The following CACNA2D3 variants were observed in gnomAD, a reference collection of about 807,000 sequenced individuals.
The protein encoded by CACNA2D3 is voltage-dependent calcium channel subunit alpha-2/delta-3.
In CACNA2D3, 60 loss-of-function variants were observed where a neutral mutation model predicts 160.6. The ratio of observed to expected loss-of-function variants is 0.37; its 90% confidence interval spans 0.30 to 0.46. The LOEUF is 0.46. CACNA2D3 is among the 20% of genes least tolerant of loss of function. The pLI is 1.00. For synonymous variants in CACNA2D3, 558 were observed against 492.9 expected (o/e 1.13, Z -1.75); for missense variants, 1,205 against 1,365.0 (o/e 0.88, Z 1.85).
At chr3:54,732,191 C>T (rs991984086) in intron 11 of CACNA2D3, among the ~76,000 whole-genome samples, 18 of 152,348 alleles carry the variant, frequency 1.2e-4, no homozygotes, top group South Asian at 4.1e-4. Context: ...TGACATCACT[C>T]TGTAATTTTA....
intron 11 of CACNA2D3, among the ~76,000 whole-genome samples, chr3:54,740,529 TG>T (rs1701628782): frequency 6.6e-6 from 1 of 152,090 alleles, no homozygotes; most frequent in African/African-American, 2.4e-5. Context: ...ATACAGAAAG[TG>T]AGCTCGTACA....
At chr3:54,824,676 T>A (rs910434418) in intron 14 of CACNA2D3, among the ~76,000 whole-genome samples, 23 of 151,968 alleles carry the variant, frequency 1.5e-4, no homozygotes, top group African/African-American at 5.1e-4. Flanking sequence ...TGAGCCTCGG[T>A]TTTTCTTGTT....
At chr3:54,492,260 A>G (rs1422082122) in intron 4 of CACNA2D3, among the ~76,000 whole-genome samples, 2 of 152,204 alleles carry the variant, frequency 1.3e-5, no homozygotes, top group East Asian at 3.9e-4. Flanking sequence ...GGGAAGCTGC[A>G]GAACTGTCAA....
At chr3:54,734,905 A>G (rs1465674086) in intron 11 of CACNA2D3, among the ~76,000 whole-genome samples, 1 of 152,230 alleles carries the variant, frequency 6.6e-6, no homozygotes, top group Non-Finnish European at 1.5e-5. Flanking sequence ...GCATCCAGAA[A>G]AGACTATCAG....
chr3:54,925,192 C>A (rs1444112347), intron 27 of CACNA2D3: 2 of 1,612,244 alleles, frequency 1.2e-6, no homozygotes, highest in Admixed American at 3.3e-5. Context: ...AGGACAATCA[C>A]ACTGGAAAAC....
At chr3:54,230,867 G>C (rs1051140021) in intron 2 of CACNA2D3, among the ~76,000 whole-genome samples, 10 of 152,124 alleles carry the variant, frequency 6.6e-5, no homozygotes, top group Non-Finnish European at 1.2e-4. Context: ...CTGCTTAATA[G>C]GACAAAATAC....
intron 2 of CACNA2D3, among the ~76,000 whole-genome samples, chr3:54,204,554 T>C (rs1701236710): frequency 6.6e-6 from 1 of 151,940 alleles, no homozygotes; most frequent in African/African-American, 2.4e-5. Flanking sequence ...CCCAGCACTT[T>C]GGGAGGCCAA....
At chr3:55,049,150 G>A (rs572124941) in intron 35 of CACNA2D3, among the ~76,000 whole-genome samples, 2 of 151,848 alleles carry the variant, frequency 1.3e-5, no homozygotes, top group African/African-American at 2.4e-5. Context: ...GCTAGCTTTT[G>A]AATGTGTTTG....
intron 13 of CACNA2D3, among the ~76,000 whole-genome samples, chr3:54,776,352 A>G (rs1702424262): frequency 6.6e-6 from 1 of 152,152 alleles, no homozygotes. Flanking sequence ...GCTACAAAAA[A>G]TAAATTGAAG....
chr3:54,687,501 A>G (rs1700489688), intron 11 of CACNA2D3, among the ~76,000 whole-genome samples: 2 of 152,078 alleles, frequency 1.3e-5, no homozygotes. Flanking sequence ...TTAAGGAAAT[A>G]AAACTTCTAG....
intron 25 of CACNA2D3, among the ~76,000 whole-genome samples, chr3:54,892,832 T>TAACTG (rs1379484865): frequency 1.3e-5 from 2 of 152,230 alleles, no homozygotes; most frequent in East Asian, 3.8e-4. Flanking sequence ...GCTGGTCTGA[T>TAACTG]AACTGTGTTA....
At chr3:54,603,246 G>A (rs1457193877) in intron 9 of CACNA2D3, among the ~76,000 whole-genome samples, 1 of 152,226 alleles carries the variant, frequency 6.6e-6, no homozygotes, top group East Asian at 1.9e-4. Context: ...AGAGGAAGAA[G>A]CGCTGCCCCC....
At chr3:54,580,683 G>A (rs1702660979) in intron 8 of CACNA2D3, among the ~76,000 whole-genome samples, 1 of 152,212 alleles carries the variant, frequency 6.6e-6, no homozygotes, top group South Asian at 2.1e-4. Flanking sequence ...GACCAGGCAT[G>A]GGCCCTAATG....
chr3:54,373,734 C>T (rs1444529335), intron 3 of CACNA2D3, among the ~76,000 whole-genome samples: 1 of 152,108 alleles, frequency 6.6e-6, no homozygotes, highest in African/African-American at 2.4e-5. Context: ...CTTTCTGATC[C>T]TTGGAGAGGA....
chr3:55,016,233 A>T (rs749644423), intron 34 of CACNA2D3, among the ~76,000 whole-genome samples: 3 of 152,106 alleles, frequency 2.0e-5, no homozygotes, highest in Non-Finnish European at 2.9e-5. Context: ...CCAAAAAGTG[A>T]TGGTTCAAAA....
In CACNA2D3 at chr3:54,792,149, G is replaced by A. The variant is rs1442065417; in HGVS notation, c.1381-24704G>A. On this transcript the variant is annotated intron_variant, in intron 13 of 37. Transcript: ENST00000474759. ...AGTGTGACACCTGAGTGTTTTCCCA[G>A]AACATGGCAGGTGTGTAGCTCTGCA... Among the ~76,000 whole-genome samples the A allele has an allele frequency of 2.0e-5, 3 of 152,190 alleles. No individual in the cohort carries two copies. In the East Asian group the frequency reaches 5.8e-4, roughly 29 times the overall value.
rs185044613 is a variant in CACNA2D3, at chr3:54,169,327, C to A, written c.204+45733C>A. On this transcript the variant is annotated intron_variant, in intron 2 of 37. Transcript: ENST00000474759. ...CCTGTGCCCACAGACCCACTCAGCT[C>A]ATGTAAAGGGATTTTTTTGGATATA... Among the ~76,000 whole-genome samples the A allele has an allele frequency of 8.2e-3, 1,183 of 144,188 alleles. 41 individuals carry two copies. The highest frequency in any genetic ancestry group is 0.058 in the Admixed American group (863 of 14,854). The allele number at this position is 144,188 out of a possible 152,430, so 94.6% of individuals were successfully genotyped here.
chr3:54,618,352 C>CAT (rs140732966), intron 9 of CACNA2D3, among the ~76,000 whole-genome samples: 8,077 of 119,742 alleles, frequency 0.067, 887 homozygotes, highest in African/African-American at 0.23. Flanking sequence ...TTGATACATA[C>CAT]ATATATATAT....
chr3:54,615,784 T>TG (rs1354274567), intron 9 of CACNA2D3, among the ~76,000 whole-genome samples: 1 of 152,202 alleles, frequency 6.6e-6, no homozygotes, highest in Non-Finnish European at 1.5e-5. Context: ...AATACCATAC[T>TG]GGTCTCTGGT....
Sources: allele counts gnomAD v4.1 joint callset (sites outside exome capture counted in the v4.1 genomes callset), GRCh38; gene constraint gnomAD v4.1.1; transcripts MANE v1.5; gene names NCBI Gene and HGNC (gene_info 2026-07-23, HGNC 2026-07-21).